Variants in AP3B1 observed in about 807,000 individuals in gnomAD.
AP3B1 encodes the protein adaptor related protein complex 3 subunit beta 1.
Under a neutral mutation model 132.5 loss-of-function variants are expected in AP3B1, and 61 were observed. The observed-to-expected ratio is 0.46, with a 90% CI of 0.37 to 0.57. The LOEUF (loss-of-function observed/expected upper bound fraction) is 0.57, where lower values mean the gene tolerates loss of function less well. AP3B1 is among the 20% of genes least tolerant of loss of function. AP3B1 has a pLI of 0.00. For synonymous variants in AP3B1, 388 were observed against 438.3 expected, an observed-to-expected ratio of 0.89 and a Z score of 1.43; for missense variants, 1,120 against 1,289.4, an observed-to-expected ratio of 0.87 and a Z score of 2.01.
At chr5:78,143,465 C>T (rs1753240662) in intron 14 of AP3B1, among the ~76,000 whole-genome samples, 1 of 152,074 alleles carries the variant, frequency 6.6e-6, no homozygotes, top group Admixed American at 6.6e-5. Context: ...AACTTCACCA[C>T]AAGAAATAAT....
chr5:78,186,470 T>C (rs981748595), intron 7 of AP3B1, among the ~76,000 whole-genome samples: 25 of 152,216 alleles, frequency 1.6e-4, no homozygotes, highest in Non-Finnish European at 2.9e-4. Flanking sequence ...GGTTTGGCTA[T>C]GAAACGGCAA....
chr5:78,063,720 C>G (rs899114032), intron 22 of AP3B1, among the ~76,000 whole-genome samples: 1 of 152,198 alleles, frequency 6.6e-6, no homozygotes, highest in Non-Finnish European at 1.5e-5. Context: ...TATGAAAAGA[C>G]TTTCACATAG....
intron 1 of AP3B1, among the ~76,000 whole-genome samples, chr5:78,272,835 ACT>A (rs941896916): frequency 7.9e-5 from 12 of 152,150 alleles, no homozygotes; most frequent in African/African-American, 2.7e-4. Context: ...TTTGGTGTTA[ACT>A]CTGAATAAAT....
intron 2 of AP3B1, among the ~76,000 whole-genome samples, chr5:78,249,094 T>C (rs965967424): frequency 3.9e-5 from 6 of 152,032 alleles, no homozygotes; most frequent in African/African-American, 1.4e-4. Context: ...GTGGCTCATG[T>C]CTGTAATCCC....
chr5:78,123,740 A>C (rs1282699350), intron 17 of AP3B1, among the ~76,000 whole-genome samples: 4 of 151,800 alleles, frequency 2.6e-5, no homozygotes. Context: ...ACACTTTTAC[A>C]CTGTTGGTGG....
intron 22 of AP3B1, among the ~76,000 whole-genome samples, chr5:78,088,192 T>C (rs898219453): frequency 3.9e-5 from 6 of 152,218 alleles, no homozygotes; most frequent in Non-Finnish European, 7.3e-5. Flanking sequence ...CCACAAATGC[T>C]CAATAAATAT....
chr5:78,195,173 A>G (rs761616399), intron 7 of AP3B1, among the ~76,000 whole-genome samples: 4 of 152,180 alleles, frequency 2.6e-5, no homozygotes, highest in Non-Finnish European at 4.4e-5. Context: ...AATAGAAATG[A>G]AATTATATGA....
chr5:78,122,586 C>A (rs1242234098), intron 17 of AP3B1, among the ~76,000 whole-genome samples: 1 of 152,166 alleles, frequency 6.6e-6, no homozygotes, highest in African/African-American at 2.4e-5. Flanking sequence ...TGAGTGAACT[C>A]CCATTCACAA....
At chr5:78,134,732 G>A (rs927035570) in intron 15 of AP3B1, among the ~76,000 whole-genome samples, 4 of 152,164 alleles carry the variant, frequency 2.6e-5, no homozygotes, top group South Asian at 4.1e-4. Flanking sequence ...TAGTAGAGAC[G>A]GGGTTTAACC....
Position 78,003,048 on chromosome 5 carries a change from C to G in AP3B1, c.3139G>C (p.Ala1047Pro). 6.2e-7 allele frequency: 1 copy of G among 1,614,140 alleles called. No individual in the cohort carries two copies. Among genetic ancestry groups the G allele is most frequent in the Non-Finnish European group, 8.5e-7 (1 of 1,180,020 alleles). ...AATGACCCACTGTGCACAGTTTTAG[C>G]TGCAAACCTGGAAGAGAAAAAAGAG... ...SGQDNIHRFA[A>P]KTVHSGSLML... Residue 1047 changes from alanine to proline, a missense_variant, in exon 27 of 27, where the codon GCT becomes CCT. Ala to Pro is a conservative substitution (Grantham distance 27). Coordinates refer to ENST00000255194, the MANE Select transcript of AP3B1 (RefSeq NM_003664.5).
intron 22 of AP3B1, among the ~76,000 whole-genome samples, chr5:78,069,821 G>A (rs916474696): frequency 3.3e-5 from 5 of 152,128 alleles, no homozygotes; most frequent in Non-Finnish European, 7.4e-5. Flanking sequence ...GAACAAAGCT[G>A]GCGGTATCAC....
intron 17 of AP3B1, among the ~76,000 whole-genome samples, chr5:78,122,163 C>T (rs967640282): frequency 6.6e-6 from 1 of 152,176 alleles, no homozygotes; most frequent in African/African-American, 2.4e-5. Context: ...ATGCTAAAAA[C>T]TCTCAATAAA....
chr5:78,046,813 C>T (rs2112116094), intron 22 of AP3B1, among the ~76,000 whole-genome samples: 1 of 152,180 alleles, frequency 6.6e-6, no homozygotes, highest in Admixed American at 6.5e-5. Flanking sequence ...ATCACCCTGT[C>T]ATCTATATTA....
At chr5:78,128,777 C>A (rs1752569342) in intron 16 of AP3B1, among the ~76,000 whole-genome samples, 1 of 151,898 alleles carries the variant, frequency 6.6e-6, no homozygotes, top group Non-Finnish European at 1.5e-5. Flanking sequence ...CTTAATAACT[C>A]ACTATTAAAA....
At chr5:78,158,164 A>C (rs1319842700) in intron 13 of AP3B1, among the ~76,000 whole-genome samples, 1 of 152,224 alleles carries the variant, frequency 6.6e-6, no homozygotes, top group Non-Finnish European at 1.5e-5. Context: ...CTGCTTATCC[A>C]TAAGAATAAG....
chr5:78,248,877 T>C (rs1747497961), intron 2 of AP3B1, among the ~76,000 whole-genome samples: 1 of 152,248 alleles, frequency 6.6e-6, no homozygotes, highest in South Asian at 2.1e-4. Context: ...CACTCTCTTC[T>C]GGCTGCCATG....
intron 2 of AP3B1, among the ~76,000 whole-genome samples, chr5:78,263,245 A>G (rs183130880): frequency 1.1e-3 from 171 of 152,200 alleles, no homozygotes; most frequent in African/African-American, 3.2e-3. Context: ...TTATTCCTGA[A>G]TATTTTATTC....
At chr5:78,147,019 A>G (rs1753430516) in intron 14 of AP3B1, among the ~76,000 whole-genome samples, 1 of 152,068 alleles carries the variant, frequency 6.6e-6, no homozygotes, top group South Asian at 2.1e-4. Context: ...GGTTTTAGCT[A>G]TATTTACTAA....
intron 11 of AP3B1, among the ~76,000 whole-genome samples, chr5:78,167,400 C>A (rs917028322): frequency 5.9e-5 from 9 of 152,056 alleles, no homozygotes; most frequent in Admixed American, 1.3e-4. Context: ...GGAACGTAAA[C>A]TAGTACAACC....
Sources: allele counts gnomAD v4.1 joint callset (sites outside exome capture counted in the v4.1 genomes callset), GRCh38; gene constraint gnomAD v4.1.1; transcripts MANE v1.5; gene names NCBI Gene and HGNC (gene_info 2026-07-23, HGNC 2026-07-21).